The following TRIM44 variants were observed in gnomAD, a reference collection of about 807,000 sequenced individuals.
TRIM44 encodes the protein tripartite motif containing 44, also known as tripartite motif-containing protein 44.
A neutral mutation model predicts 37.4 loss-of-function variants in TRIM44; 13 were observed. The ratio of observed to expected loss-of-function variants is 0.35; its 90% confidence interval spans 0.23 to 0.55. The LOEUF (loss-of-function observed/expected upper bound fraction) is 0.55. Among genes scored for constraint, TRIM44 ranks in the 20% least tolerant of loss-of-function variants. The pLI is 0.89. For synonymous variants in TRIM44, 175 were observed against 157.2 expected (o/e 1.11, Z -0.85); for missense variants, 426 against 437.2 (o/e 0.97, Z 0.23).
rs754638315 is a variant in TRIM44, at chr11:35,725,920, A to G, written c.748-4A>G. On this transcript the variant is annotated splice_region_variant and splice_polypyrimidine_tract_variant and intron_variant, in intron 2 of 4. Coordinates refer to ENST00000299413, the MANE Select transcript of TRIM44 (RefSeq NM_017583.6). ...TATTCTTCTTATTTGTCTCTGTTCT[A>G]AAGGTAACTCGGGACCAAATGAAGA... The G allele has an allele frequency of 6.8e-6, 11 of 1,613,606 alleles. No homozygotes were observed. The highest frequency in any genetic ancestry group is 1.7e-4 in the Middle Eastern group (1 of 6,048).
Position 35,806,540 on chromosome 11 carries a change from A to G in TRIM44, c.*155A>G. The G allele has an allele frequency of 2.6e-6, 2 of 767,578 alleles. No individual in the cohort carries two copies. The highest frequency in any genetic ancestry group is 2.3e-5 in the Admixed American group (1 of 43,806). 47.5% of individuals were successfully genotyped at this position (767,578 alleles called of 1,614,324 possible). ...TCCACAGCAGGCACATATCTCTCCA[A>G]GGGATGACCAGTTTTATGCTTACTG... On this transcript the variant is annotated 3_prime_UTR_variant, in exon 5 of 5. Transcript: ENST00000299413.
At chr11:35,707,793 C>T (rs1554929142) in intron 2 of TRIM44, among the ~76,000 whole-genome samples, 1 of 138,814 alleles carries the variant, frequency 7.2e-6, no homozygotes, top group Non-Finnish European at 1.6e-5. Context: ...CATGTTAGAC[C>T]TAAAACCATA....
At chr11:35,749,042 T>TAGAG (rs144381088) in intron 4 of TRIM44, among the ~76,000 whole-genome samples, 4 of 150,338 alleles carry the variant, frequency 2.7e-5, no homozygotes, top group Admixed American at 6.6e-5. Context: ...ATGTGTATGT[T>TAGAG]AGAGAGAGAG....
At chr11:35,703,686 C>T (rs1467929265) in intron 2 of TRIM44, among the ~76,000 whole-genome samples, 1 of 152,208 alleles carries the variant, frequency 6.6e-6, no homozygotes, top group East Asian at 1.9e-4. Flanking sequence ...CTCCAACAGA[C>T]CTGCAGCTGA....
rs1167904019 is a variant in TRIM44, at chr11:35,756,788, G to C, written c.1007+21343G>C. 2.0e-5 allele frequency among the ~76,000 whole-genome samples: 3 copies of C among 152,276 alleles called. No homozygotes were observed. The South Asian group carries it at 6.2e-4, about 32-fold the overall frequency. Reference sequence around the variant, plus strand: ...TCATGTGGTTTTTGTCGTTGGTTCTGTTTATATGCTGGATTACGTTTATTG... The same window carrying C: ...TCATGTGGTTTTTGTCGTTGGTTCTCTTTATATGCTGGATTACGTTTATTG... On this transcript the variant is annotated intron_variant, in intron 4 of 4. Transcript: ENST00000299413.
intron 4 of TRIM44, among the ~76,000 whole-genome samples, chr11:35,798,637 T>C (rs999946786): frequency 2.0e-5 from 3 of 152,212 alleles, no homozygotes; most frequent in Non-Finnish European, 4.4e-5. Context: ...TCCACAATGA[T>C]GTGTGTCACA....
intron 2 of TRIM44, among the ~76,000 whole-genome samples, chr11:35,686,878 C>A (rs1448301393): frequency 6.6e-6 from 1 of 152,202 alleles, no homozygotes; most frequent in African/African-American, 2.4e-5. Flanking sequence ...GTGCAGCCAT[C>A]ATCACTGTCC....
intron 4 of TRIM44, 22 bp from the exon 5 acceptor site, chr11:35,806,336 T>C: frequency 6.2e-7 from 1 of 1,613,598 alleles, no homozygotes; most frequent in Admixed American, 1.7e-5. Flanking sequence ...TTAACTCACC[T>C]GGTTCTCCTT....
At chr11:35,686,152 A>G (rs1468451471) in intron 2 of TRIM44, among the ~76,000 whole-genome samples, 1 of 151,126 alleles carries the variant, frequency 6.6e-6, no homozygotes, top group African/African-American at 2.5e-5. Flanking sequence ...TTTTATTTCA[A>G]TATGTTAGGG....
chr11:35,704,335 T>C (rs1364104674), intron 2 of TRIM44, among the ~76,000 whole-genome samples: 3 of 152,214 alleles, frequency 2.0e-5, no homozygotes, highest in Non-Finnish European at 4.4e-5. Context: ...GAAAACACTC[T>C]GCAGGATATT....
At position 35,777,283 on chromosome 11, in the gene TRIM44, C is replaced by CT. The variant is rs560096366; in HGVS notation, c.1008-29067dup. On this transcript the variant is annotated intron_variant, in intron 4 of 4. Coordinates refer to ENST00000299413, the MANE Select transcript of TRIM44 (RefSeq NM_017583.6). ...TCAGAGACTAGGATTGCAACCCCTG[C>CT]TTTTTTTTGTTTTCCGTTTGCTTAG... is the stretch of plus-strand genomic sequence containing the variant. Among the ~76,000 whole-genome samples, 408 of 152,068 alleles carry CT rather than the reference C, an allele frequency of 2.7e-3. 2 individuals carry two copies. Among genetic ancestry groups the CT allele is most frequent in the African/African-American group, 9.5e-3 (395 of 41,490 alleles).
At chr11:35,789,029 C>T (rs564876384) in intron 4 of TRIM44, among the ~76,000 whole-genome samples, 1 of 152,302 alleles carries the variant, frequency 6.6e-6, no homozygotes, top group South Asian at 2.1e-4. Flanking sequence ...TGTCTCACAG[C>T]AAATATTTTT....
chr11:35,787,997 G>A (rs1853151569), intron 4 of TRIM44, among the ~76,000 whole-genome samples: 1 of 152,200 alleles, frequency 6.6e-6, no homozygotes, highest in Non-Finnish European at 1.5e-5. Flanking sequence ...GCCTATGGCA[G>A]TTGTTCATGC....
At chr11:35,775,554 C>T (rs936231049) in intron 4 of TRIM44, among the ~76,000 whole-genome samples, 4 of 152,128 alleles carry the variant, frequency 2.6e-5, no homozygotes, top group Middle Eastern at 3.2e-3. Flanking sequence ...TGCCAGTTTT[C>T]GAAGGGAATG....
chr11:35,693,703 C>T (rs559945148), intron 2 of TRIM44, among the ~76,000 whole-genome samples: 82 of 152,160 alleles, frequency 5.4e-4, no homozygotes, highest in Middle Eastern at 3.4e-3. Context: ...GTGAGTGTAA[C>T]CAAAACTTAG....
intron 1 of TRIM44, among the ~76,000 whole-genome samples, chr11:35,680,622 C>G (rs1438198861): frequency 6.6e-6 from 1 of 152,104 alleles, no homozygotes; most frequent in Non-Finnish European, 1.5e-5. Context: ...ACAAACAGTG[C>G]TGCAATAAAT....
At chr11:35,734,490 G>A (rs1236803316) in intron 3 of TRIM44, among the ~76,000 whole-genome samples, 1 of 152,106 alleles carries the variant, frequency 6.6e-6, no homozygotes, top group African/African-American at 2.4e-5. Context: ...TATACCAGTA[G>A]GAACCATTCA....
chr11:35,673,992 C>T (rs777535995), intron 1 of TRIM44, among the ~76,000 whole-genome samples: 3 of 151,876 alleles, frequency 2.0e-5, no homozygotes, highest in South Asian at 2.1e-4. Context: ...GAGGACCAGC[C>T]GAGTTTCCTG....
chr11:35,719,387 G>A (rs1852074996), intron 2 of TRIM44, among the ~76,000 whole-genome samples: 2 of 151,942 alleles, frequency 1.3e-5, no homozygotes, highest in Non-Finnish European at 2.9e-5. Flanking sequence ...TTCTTAGTGA[G>A]GTGTCTGTTT....
Sources: allele counts gnomAD v4.1 joint callset (sites outside exome capture counted in the v4.1 genomes callset), GRCh38; gene constraint gnomAD v4.1.1; transcripts MANE v1.5; gene names NCBI Gene and HGNC (gene_info 2026-07-23, HGNC 2026-07-21).